Variants in ITGB6 observed in about 807,000 individuals in gnomAD.
The protein encoded by ITGB6 is integrin subunit beta 6, also known as integrin beta-6.
Under a neutral mutation model 84.5 loss-of-function variants are expected in ITGB6, and 80 were observed. The observed-to-expected ratio is 0.95, with a 90% CI of 0.79 to 1.14. The LOEUF (loss-of-function observed/expected upper bound fraction) is 1.14. ITGB6 is among the 50% of genes most tolerant of loss of function. The pLI, the probability that ITGB6 is intolerant of heterozygous loss-of-function variation, is 0.00. For missense variants in ITGB6, 1,006 were observed against 968.0 expected, an observed-to-expected ratio of 1.04 and a Z score of -0.52; for synonymous variants, 383 against 354.9, an observed-to-expected ratio of 1.08 and a Z score of -0.89.
At position 160,137,603 on chromosome 2, in the gene ITGB6, C is replaced by T. The variant is rs201873845; in HGVS notation, c.1491G>A (p.Leu497=). ...GPRCECGEDM[L]STDSCKEAPD... is the part of the protein sequence containing the mutation. ...GGGCCTCCTTGCAGGAATCTGTGCT[C>T]AGCATGTCCTCGCCACACTCACAGC... Residue 497 remains leucine, a synonymous_variant, in exon 10 of 15, where the codon CTG becomes CTA. Transcript: ENST00000283249. 6.2e-7 allele frequency: 1 copy of T among 1,614,228 alleles called. No individual in the cohort carries two copies.
Position 160,137,778 on chromosome 2 carries a change from C to A in ITGB6, c.1316G>T (p.Gly439Val). ...AAGTAATTCCAGGGCATCCCCCAGC[C>A]CCACAGGCTTTATGATAATGTGCCT... is the stretch of plus-strand genomic sequence containing the variant. ...RSRHIIIKPV[G>V]LGDALELLVS... Residue 439 changes from glycine to valine, a missense_variant, in exon 10 of 15, where the codon GGG (glycine) becomes GTG (valine). Transcript: ENST00000283249. 1 of 1,614,184 alleles carries A rather than the reference C, an allele frequency of 6.2e-7. No homozygotes were observed. Among genetic ancestry groups the A allele is most frequent in the South Asian group, 1.1e-5 (1 of 91,076 alleles).
intron 4 of ITGB6, among the ~76,000 whole-genome samples, chr2:160,177,029 A>C (rs1238823412): frequency 3.9e-5 from 6 of 152,150 alleles, no homozygotes; most frequent in Admixed American, 3.9e-4. Flanking sequence ...CATATTACCA[A>C]ACTCTTCCAA....
chr2:160,187,318 A>G (rs1222156103), intron 4 of ITGB6, among the ~76,000 whole-genome samples: 1 of 152,218 alleles, frequency 6.6e-6, no homozygotes, highest in Non-Finnish European at 1.5e-5. Context: ...AATCCATTCA[A>G]AATGAAAAGA....
intron 14 of ITGB6, among the ~76,000 whole-genome samples, chr2:160,106,684 G>A (rs1330150476): frequency 6.6e-6 from 1 of 152,156 alleles, no homozygotes; most frequent in African/African-American, 2.4e-5. Context: ...AGTGTTCATT[G>A]TCCTGTACCA....
rs976037095 is a variant in ITGB6, at chr2:160,111,878, C to T, written c.2101+202G>A. 2.6e-5 allele frequency among the ~76,000 whole-genome samples: 4 copies of T among 152,116 alleles called. No individual in the cohort carries two copies. The South Asian group carries it at 8.3e-4, about 32-fold the overall frequency. On this transcript the variant is annotated intron_variant, in intron 13 of 14. Coordinates refer to ENST00000283249, the MANE Select transcript of ITGB6 (RefSeq NM_000888.5). ...TACAGGTGTGAGCCACCGTGCCCGA[C>T]CCTTATCTGGTCTTAATAAGAGACA...
chr2:160,189,701 A>G lies in ITGB6; in HGVS notation c.593+5668T>C, dbSNP rs560636491. 6.6e-5 allele frequency among the ~76,000 whole-genome samples: 10 copies of G among 151,938 alleles called. No homozygotes were observed. The East Asian group carries it at 1.7e-3, about 26-fold the overall frequency. ...ATGGCGATCATTAAAAAGTCAGGAA[A>G]CAACAGGTGCTGGAGAGGATGTGGA... On this transcript the variant is annotated intron_variant, in intron 4 of 14. Coordinates refer to ENST00000283249, the MANE Select transcript of ITGB6 (RefSeq NM_000888.5).
intron 10 of ITGB6, among the ~76,000 whole-genome samples, chr2:160,127,964 G>A (rs1222885788): frequency 1.3e-5 from 2 of 152,078 alleles, no homozygotes; most frequent in African/African-American, 4.8e-5. Context: ...ATGACATAAT[G>A]TATATATCTC....
At chr2:160,130,103 C>T (rs979181142) in intron 10 of ITGB6, among the ~76,000 whole-genome samples, 3 of 152,008 alleles carry the variant, frequency 2.0e-5, no homozygotes, top group Admixed American at 2.0e-4. Context: ...TATGGTATAG[C>T]CTATTGCTCC....
At chr2:160,157,894 T>A (rs1478306138) in intron 7 of ITGB6, among the ~76,000 whole-genome samples, 8 of 152,096 alleles carry the variant, frequency 5.3e-5, no homozygotes, top group Non-Finnish European at 1.2e-4. Context: ...TTTGCTGAAA[T>A]GAGTCCTTCT....
chr2:160,107,639 T>C (rs767034197), intron 14 of ITGB6, 40 bp downstream of exon 14: 2 of 1,595,574 alleles, frequency 1.3e-6, no homozygotes, highest in South Asian at 2.2e-5. Flanking sequence ...ACCAGCCTCT[T>C]TCTCCCCTAG....
At chr2:160,115,803 A>C (rs1454083736) in intron 12 of ITGB6, among the ~76,000 whole-genome samples, 1 of 152,244 alleles carries the variant, frequency 6.6e-6, no homozygotes, top group African/African-American at 2.4e-5. Context: ...TAATCAACGC[A>C]GAGAAGTCCT....
chr2:160,142,065 C>T lies in ITGB6; in HGVS notation c.1024G>A (p.Ala342Thr), dbSNP rs140967203. 68 of 1,590,498 alleles carry T rather than the reference C, an allele frequency of 4.3e-5. 1 individual carries two copies. Among genetic ancestry groups the T allele is most frequent in the African/African-American group, 4.2e-4 (31 of 73,896 alleles). The change falls in exon 8 of 15, where the codon GCA becomes ACA. Residue 342 changes from alanine to threonine, a missense_variant. Ala to Thr is a moderately conservative substitution (Grantham distance 58). Coordinates refer to ENST00000283249, the MANE Select transcript of ITGB6 (RefSeq NM_000888.5). ...ACTGTAGCTCCAGGAATAAGTTTTG[C>T]GTAATTCTGTAAACAGAAAAAGAGT... ...QEQVHLYENY[A>T]KLIPGATVGL...
intron 7 of ITGB6, among the ~76,000 whole-genome samples, chr2:160,154,230 A>G (rs1684538141): frequency 6.6e-6 from 1 of 152,244 alleles, no homozygotes; most frequent in Non-Finnish European, 1.5e-5. Flanking sequence ...TGGCACATAT[A>G]CACCATGGAA....
chr2:160,133,558 A>G (rs1683560929), intron 10 of ITGB6, among the ~76,000 whole-genome samples: 1 of 152,222 alleles, frequency 6.6e-6, no homozygotes, highest in South Asian at 2.1e-4. Context: ...AGCAGACCTA[A>G]TAGACATCTA....
intron 4 of ITGB6, among the ~76,000 whole-genome samples, chr2:160,186,054 G>A (rs1015794003): frequency 6.6e-6 from 1 of 152,038 alleles, no homozygotes; most frequent in Admixed American, 6.6e-5. Flanking sequence ...TCAGAACATA[G>A]GCATGGGCAA....
chr2:160,154,791 A>G (rs1684560248), intron 7 of ITGB6, among the ~76,000 whole-genome samples: 1 of 152,176 alleles, frequency 6.6e-6, no homozygotes, highest in African/African-American at 2.4e-5. Flanking sequence ...GAAGACGGAG[A>G]AAGTTTAAAT....
At chr2:160,165,642 C>A (rs1022120693) in intron 7 of ITGB6, among the ~76,000 whole-genome samples, 2 of 152,188 alleles carry the variant, frequency 1.3e-5, no homozygotes, top group Admixed American at 1.3e-4. Flanking sequence ...TTTCCACAAG[C>A]CACACAAGGA....
chr2:160,108,632 C>T (rs1199889266), intron 13 of ITGB6, among the ~76,000 whole-genome samples: 2 of 152,174 alleles, frequency 1.3e-5, no homozygotes, highest in African/African-American at 4.8e-5. Flanking sequence ...AACACAGCTT[C>T]CTGGACCCCT....
intron 4 of ITGB6, among the ~76,000 whole-genome samples, chr2:160,190,008 G>A (rs1015234188): frequency 2.6e-5 from 4 of 152,188 alleles, no homozygotes; most frequent in Non-Finnish European, 5.9e-5. Flanking sequence ...TATACACCAT[G>A]GAATACTATG....
Sources: gnomAD v4.1 joint callset for allele counts (sites outside exome capture counted in the v4.1 genomes callset) on GRCh38, gnomAD v4.1.1 for gene constraint, MANE v1.5 for transcripts, NCBI Gene and HGNC (gene_info 2026-07-23, HGNC 2026-07-21) for gene names.